Variants in ADCY2 observed in about 807,000 individuals in gnomAD.
The protein encoded by ADCY2 is adenylate cyclase 2.
Under a neutral mutation model 125.2 loss-of-function variants are expected in ADCY2, and 31 were observed. The observed-to-expected ratio is 0.25, with a 90% CI of 0.19 to 0.33. The LOEUF is 0.33. Ranked by LOEUF, ADCY2 falls within the 10% of genes least tolerant of loss-of-function variation. The pLI is 1.00. For synonymous variants in ADCY2, 512 were observed against 548.4 expected (o/e 0.93, Z 0.93); for missense variants, 904 against 1,418.2 (o/e 0.64, Z 5.82).
chr5:7,555,355 A>G (rs1471451366), intron 3 of ADCY2, among the ~76,000 whole-genome samples: 1 of 152,190 alleles, frequency 6.6e-6, no homozygotes, highest in African/African-American at 2.4e-5. Flanking sequence ...CTTAAGTGGC[A>G]CTTGATATTT....
At chr5:7,465,328 C>T (rs530573459) in intron 2 of ADCY2, among the ~76,000 whole-genome samples, 1 of 152,302 alleles carries the variant, frequency 6.6e-6, no homozygotes, top group East Asian at 1.9e-4. Context: ...TCTTTTTTCT[C>T]ATGTCCCATA....
chr5:7,628,514 G>A (rs1579251909), intron 4 of ADCY2, among the ~76,000 whole-genome samples: 1 of 152,058 alleles, frequency 6.6e-6, no homozygotes, highest in South Asian at 2.1e-4. Context: ...GAACCATCAT[G>A]GGAGACATTA....
chr5:7,561,861 A>G (rs1210048735), intron 3 of ADCY2, among the ~76,000 whole-genome samples: 1 of 152,168 alleles, frequency 6.6e-6, no homozygotes, highest in African/African-American at 2.4e-5. Context: ...AATTATTCAG[A>G]TTCTCCAAGT....
chr5:7,596,274 C>CT (rs1736998537), intron 3 of ADCY2, among the ~76,000 whole-genome samples: 1 of 96,104 alleles, frequency 1.0e-5, no homozygotes, highest in Admixed American at 8.5e-5. Flanking sequence ...GATCCAAAAA[C>CT]TCCCCCCCCC....
At chr5:7,657,048 T>C (rs72710482) in intron 4 of ADCY2, among the ~76,000 whole-genome samples, 64,702 of 152,140 alleles carry the variant, frequency 0.43, 14,442 homozygotes, top group Non-Finnish European at 0.49. Flanking sequence ...AAATTGTTTT[T>C]GGGCTATGTG....
At chr5:7,786,990 G>T (rs915595599) in intron 19 of ADCY2, among the ~76,000 whole-genome samples, 2 of 152,162 alleles carry the variant, frequency 1.3e-5, no homozygotes, top group Non-Finnish European at 2.9e-5. Context: ...GGGGTCCCAG[G>T]CATGTCCTGG....
chr5:7,653,277 G>T (rs527542615), intron 4 of ADCY2, among the ~76,000 whole-genome samples: 2 of 152,086 alleles, frequency 1.3e-5, no homozygotes, highest in Admixed American at 6.5e-5. Context: ...CAGCCTGGGC[G>T]TGGGTTTCAC....
intron 4 of ADCY2, among the ~76,000 whole-genome samples, chr5:7,658,934 A>G (rs1404785307): frequency 6.6e-6 from 1 of 152,208 alleles, no homozygotes; most frequent in African/African-American, 2.4e-5. Context: ...ACCAATTTAA[A>G]TGCTCATTTC....
chr5:7,752,733 G>A (rs1483380122), intron 15 of ADCY2, among the ~76,000 whole-genome samples: 1 of 151,496 alleles, frequency 6.6e-6, no homozygotes, highest in Non-Finnish European at 1.5e-5. Context: ...AGGGAAGGAA[G>A]AGAAGCTGGC....
chr5:7,532,115 AACAT>A (rs774437528), intron 3 of ADCY2, among the ~76,000 whole-genome samples: 1 of 152,252 alleles, frequency 6.6e-6, no homozygotes, highest in East Asian at 1.9e-4. Context: ...AGAGTGAAGA[AACAT>A]ATGGGAATTT....
chr5:7,482,417 A>G (rs372302613), intron 2 of ADCY2, among the ~76,000 whole-genome samples: 9 of 152,190 alleles, frequency 5.9e-5, no homozygotes, highest in African/African-American at 2.2e-4. Context: ...TTCCTTTGCT[A>G]TACAGAATCT....
intron 3 of ADCY2, among the ~76,000 whole-genome samples, chr5:7,584,229 A>G (rs1294923187): frequency 6.6e-6 from 1 of 152,120 alleles, no homozygotes; most frequent in Admixed American, 6.6e-5. Context: ...AAAAGACACA[A>G]TCCCAAAAAC....
intron 3 of ADCY2, among the ~76,000 whole-genome samples, chr5:7,624,730 C>T (rs1279221949): frequency 2.6e-5 from 4 of 152,176 alleles, no homozygotes; most frequent in Non-Finnish European, 4.4e-5. Context: ...CACTCCTGCT[C>T]ACCACGTTGG....
chr5:7,406,379 C>T (rs887623438), intron 1 of ADCY2, among the ~76,000 whole-genome samples: 1 of 152,194 alleles, frequency 6.6e-6, no homozygotes, highest in East Asian at 1.9e-4. Flanking sequence ...TATCAGCCAT[C>T]TACCCAGCCA....
chr5:7,560,665 G>A (rs1735679560), intron 3 of ADCY2, among the ~76,000 whole-genome samples: 1 of 151,814 alleles, frequency 6.6e-6, no homozygotes, highest in Non-Finnish European at 1.5e-5. Context: ...GAACAGTAAT[G>A]TGAAAAAAGT....
At chr5:7,770,585 TTCTCCAAGATGGGTGTTA>T (rs1446690644) in intron 17 of ADCY2, among the ~76,000 whole-genome samples, 3 of 152,200 alleles carry the variant, frequency 2.0e-5, no homozygotes, top group African/African-American at 7.2e-5. Context: ...TTCGTGAGAA[TTCTCCAAGATGGGTGTTA>T]TCATCATCTT....
chr5:7,584,539 CTA>C (rs1561109397), intron 3 of ADCY2, among the ~76,000 whole-genome samples: 1 of 152,026 alleles, frequency 6.6e-6, no homozygotes, highest in East Asian at 1.9e-4. Context: ...ACACGTATCA[CTA>C]TGTTTGGAGA....
At chr5:7,784,618 T>C (rs923480517) in intron 19 of ADCY2, among the ~76,000 whole-genome samples, 169 bp downstream of exon 19, 1 of 152,210 alleles carries the variant, frequency 6.6e-6, no homozygotes, top group East Asian at 1.9e-4. Context: ...TGCTTCGATA[T>C]AGACAAAAGG....
intron 18 of ADCY2, among the ~76,000 whole-genome samples, chr5:7,775,175 TTGTGTG>T (rs200142910): frequency 0.028 from 4,065 of 146,246 alleles, 165 homozygotes; most frequent in African/African-American, 0.095. Context: ...CCCAGCTACT[TTGTGTG>T]TGTGTGTGTG....
Sources: allele counts gnomAD v4.1 joint callset (sites outside exome capture counted in the v4.1 genomes callset), GRCh38; gene constraint gnomAD v4.1.1; transcripts MANE v1.5; gene names NCBI Gene and HGNC (gene_info 2026-07-23, HGNC 2026-07-21).